The following LRRIQ3 variants were observed in gnomAD, a reference collection of about 807,000 sequenced individuals.
LRRIQ3 encodes the protein leucine-rich repeat and IQ domain-containing protein 3.
A neutral mutation model predicts 59.3 loss-of-function variants in LRRIQ3; 75 were observed. The observed-to-expected ratio is 1.26, with a 90% CI of 1.05 to 1.53. The LOEUF (loss-of-function observed/expected upper bound fraction) is 1.53, where lower values mean the gene tolerates loss of function less well. Ranked by LOEUF, LRRIQ3 falls within the 40% of genes most tolerant of loss-of-function variation. The pLI, the probability that LRRIQ3 is intolerant of heterozygous loss-of-function variation, is 0.00. For synonymous variants in LRRIQ3, 250 were observed against 231.3 expected (o/e 1.08, Z -0.73); for missense variants, 831 against 710.0 (o/e 1.17, Z -1.94).
At chr1:74,043,279 A>T (rs1443910836) in intron 6 of LRRIQ3, among the ~76,000 whole-genome samples, 3 of 152,076 alleles carry the variant, frequency 2.0e-5, no homozygotes, top group Non-Finnish European at 4.4e-5. Context: ...CAAGGGTTTG[A>T]TCTTCCTTAG....
At chr1:74,125,437 T>A (rs1261614409) in intron 4 of LRRIQ3, among the ~76,000 whole-genome samples, 3 of 151,850 alleles carry the variant, frequency 2.0e-5, no homozygotes, top group Non-Finnish European at 2.9e-5. Context: ...GTGTTCCAGA[T>A]CTTAGAGAAA....
intron 5 of LRRIQ3, among the ~76,000 whole-genome samples, chr1:74,088,210 G>C (rs60831235): frequency 2.0e-5 from 3 of 152,006 alleles, no homozygotes; most frequent in Non-Finnish European, 4.4e-5. Context: ...TCCATTATGA[G>C]TCTAAAAATT....
chr1:74,162,201 G>T (rs1648698424), intron 3 of LRRIQ3, among the ~76,000 whole-genome samples: 1 of 151,718 alleles, frequency 6.6e-6, no homozygotes, highest in African/African-American at 2.4e-5. Flanking sequence ...GTTTATAAGG[G>T]ACTTCTACAT....
chr1:74,183,274 T>C, intron 2 of LRRIQ3, 162 bp downstream of exon 2: 1 of 529,078 alleles, frequency 1.9e-6, no homozygotes, highest in Admixed American at 3.5e-5. Flanking sequence ...AAAGTGTCCG[T>C]ATTTATATAC....
intron 4 of LRRIQ3, among the ~76,000 whole-genome samples, chr1:74,137,623 A>G (rs577137197): frequency 6.6e-6 from 1 of 152,192 alleles, no homozygotes; most frequent in East Asian, 1.9e-4. Context: ...AAATCATTCT[A>G]CTATAAAGAC....
intron 1 of LRRIQ3, 21 bp from the exon 2 acceptor site, chr1:74,183,705 C>A: frequency 7.1e-7 from 1 of 1,411,174 alleles, no homozygotes; most frequent in South Asian, 1.8e-5. Flanking sequence ...TAAGAAAGTG[C>A]TTTGATTTTT....
chr1:74,074,147 A>C (rs1646169356), intron 6 of LRRIQ3, among the ~76,000 whole-genome samples: 1 of 152,160 alleles, frequency 6.6e-6, no homozygotes, highest in Admixed American at 6.5e-5. Flanking sequence ...ATTCTTCCTA[A>C]AAAAATTTCT....
intron 3 of LRRIQ3, among the ~76,000 whole-genome samples, chr1:74,177,628 TA>T (rs1466545233): frequency 4.6e-5 from 7 of 152,168 alleles, no homozygotes; most frequent in South Asian, 2.1e-4. Context: ...TTTAAGATAT[TA>T]ATATGTTTAT....
chr1:74,109,850 TTATC>T (rs1381911946), intron 4 of LRRIQ3, among the ~76,000 whole-genome samples: 7 of 151,732 alleles, frequency 4.6e-5, no homozygotes, highest in African/African-American at 1.7e-4. Context: ...CATGTCTAAA[TTATC>T]TATAGAAACA....
chr1:74,143,402 T>G (rs1475325731), intron 4 of LRRIQ3, among the ~76,000 whole-genome samples: 1 of 151,942 alleles, frequency 6.6e-6, no homozygotes, highest in African/African-American at 2.4e-5. Context: ...AAAATTTAAA[T>G]AGTATTGCCT....
Position 74,067,177 on chromosome 1 carries a change from T to C in LRRIQ3, c.997+7484A>G, listed in dbSNP as rs140501736. 2.3e-3 allele frequency among the ~76,000 whole-genome samples: 345 copies of C among 152,238 alleles called. 4 individuals carry two copies. The highest frequency in any genetic ancestry group is 7.5e-3 in the African/African-American group (312 of 41,572). On this transcript the variant is annotated intron_variant, in intron 6 of 7. Transcript: ENST00000354431. ...TCTCTACGTGTGCAGTATCTCTCAA[T>C]CAGGTCTGGATAAGTTTTTAATCCA...
intron 3 of LRRIQ3, chr1:74,180,714 G>A (rs747910883): frequency 6.5e-7 from 1 of 1,549,464 alleles, no homozygotes; most frequent in South Asian, 1.2e-5. Flanking sequence ...CCCACCTCAT[G>A]ACTCATTTGC....
At chr1:74,071,058 T>TTA (rs1405474124) in intron 6 of LRRIQ3, among the ~76,000 whole-genome samples, 2 of 150,202 alleles carry the variant, frequency 1.3e-5, no homozygotes, top group African/African-American at 2.5e-5. Context: ...TACACACACA[T>TTA]TATATATATA....
chr1:74,133,464 A>G (rs1647061925), intron 4 of LRRIQ3, among the ~76,000 whole-genome samples: 2 of 152,160 alleles, frequency 1.3e-5, no homozygotes, highest in South Asian at 2.1e-4. Flanking sequence ...AACCAACCCA[A>G]ATGTCCAACA....
intron 3 of LRRIQ3, among the ~76,000 whole-genome samples, chr1:74,179,748 A>C (rs1463223757): frequency 1.3e-5 from 2 of 151,988 alleles, no homozygotes; most frequent in African/African-American, 2.4e-5. Context: ...ATTGTTATTC[A>C]AACAGATTTC....
At chr1:74,170,102 C>T (rs895941626) in intron 3 of LRRIQ3, among the ~76,000 whole-genome samples, 2 of 151,816 alleles carry the variant, frequency 1.3e-5, no homozygotes, top group African/African-American at 2.4e-5. Flanking sequence ...AATGATTTGC[C>T]AATATTTTCT....
At chr1:74,158,227 C>G (rs748961729) in intron 3 of LRRIQ3, among the ~76,000 whole-genome samples, 8 of 152,116 alleles carry the variant, frequency 5.3e-5, no homozygotes, top group Non-Finnish European at 1.2e-4. Flanking sequence ...CCTGTTCCCC[C>G]ACTTTCTCCA....
chr1:74,104,589 A>G (rs1367683620), intron 5 of LRRIQ3, among the ~76,000 whole-genome samples: 1 of 152,044 alleles, frequency 6.6e-6, no homozygotes, highest in African/African-American at 2.4e-5. Flanking sequence ...AAAAGGTTAC[A>G]TACTATATGA....
chr1:74,027,742 T>C (rs1012162855), intron 7 of LRRIQ3, among the ~76,000 whole-genome samples: 1 of 152,100 alleles, frequency 6.6e-6, no homozygotes, highest in African/African-American at 2.4e-5. Flanking sequence ...TATTCAACAA[T>C]TATGTATTGT....
Sources: allele counts gnomAD v4.1 joint callset (sites outside exome capture counted in the v4.1 genomes callset), GRCh38; gene constraint gnomAD v4.1.1; transcripts MANE v1.5; gene names NCBI Gene and HGNC (gene_info 2026-07-23, HGNC 2026-07-21).